ITPR3: variants seen among roughly 807,000 people sequenced by gnomAD.
The protein encoded by ITPR3 is inositol 1,4,5-trisphosphate receptor type 3.
Under a neutral mutation model 293.2 loss-of-function variants are expected in ITPR3, and 173 were observed. That is an observed-to-expected ratio of 0.59 (90% CI 0.52 to 0.67). The LOEUF is 0.67. Among genes scored for constraint, ITPR3 ranks in the 30% least tolerant of loss-of-function variants. The probability of loss-of-function intolerance (pLI) is 0.00; values close to 1 mark genes in which losing one functional copy is unlikely to be tolerated. For missense variants in ITPR3, 2,796 were observed against 3,592.1 expected, an observed-to-expected ratio of 0.78 and a Z score of 5.66; for synonymous variants, 1,295 against 1,444.4, an observed-to-expected ratio of 0.90 and a Z score of 2.35.
In ITPR3 at chr6:33,621,385, C is replaced by T; in HGVS notation, c.-218C>T. The T allele has an allele frequency of 3.6e-6, 1 of 278,176 alleles. No individual in the cohort carries two copies. The highest frequency in any genetic ancestry group is 6.7e-6 in the Non-Finnish European group (1 of 150,158). 17.2% of individuals were successfully genotyped at this position (278,176 alleles called of 1,614,324 possible). ...CCGGGCGGGGCGGGCGGGCGGCGGG[C>T]GCGCCAAGACGTGGGCACCTCCTCA... On this transcript the variant is annotated 5_prime_UTR_variant, in exon 1 of 58. Coordinates refer to ENST00000605930, the MANE Select transcript of ITPR3 (RefSeq NM_002224.4). The surrounding 1 kb of genome is among the most constrained non-coding windows in gnomAD (Gnocchi z 7.7).
In ITPR3 at chr6:33,624,205, T is replaced by C. The variant is rs1408507463; in HGVS notation, c.89+2514T>C. On this transcript the variant is annotated intron_variant, in intron 1 of 57. Coordinates refer to ENST00000605930, the MANE Select transcript of ITPR3 (RefSeq NM_002224.4). The surrounding 1 kb of genome is among the most constrained non-coding windows in gnomAD (Gnocchi z 4.7). ...GAACTGCTTTGTACAAACCACTCTC[T>C]GGTGTTCCTCACATTGGAGGCTTCC... Among the ~76,000 whole-genome samples, 1 of 152,244 alleles carries C rather than the reference T, an allele frequency of 6.6e-6. No homozygotes were observed. Among genetic ancestry groups the C allele is most frequent in the African/African-American group, 2.4e-5 (1 of 41,462 alleles).
In ITPR3 at chr6:33,693,440, G is replaced by A. The variant is rs190865725; in HGVS notation, c.7625-105G>A. 433 of 1,218,330 alleles carry A rather than the reference G, an allele frequency of 3.6e-4. 3 individuals carry two copies. In the African/African-American group the frequency reaches 5.0e-3, roughly 14 times the overall value. 75.5% of individuals were successfully genotyped at this position (1,218,330 alleles called of 1,614,324 possible). A position where few individuals can be genotyped will look rare whatever the true frequency, so the allele number is the denominator to read the frequency against. On this transcript the variant is annotated intron_variant, in intron 55 of 57. Transcript: ENST00000605930. ...GCGAGCTGTTGGAAGCGCTCATCCC[G>A]AGAACAAATGCCTCCAACCCCCGGA...
chr6:33,634,019 G>A (rs1385853041), intron 1 of ITPR3, among the ~76,000 whole-genome samples: 1 of 152,122 alleles, frequency 6.6e-6, no homozygotes, highest in Non-Finnish European at 1.5e-5. Context: ...CCTCCCTCTG[G>A]CCCCAGGTCT....
chr6:33,630,240 A>G (rs1395852175), intron 1 of ITPR3, among the ~76,000 whole-genome samples: 1 of 152,134 alleles, frequency 6.6e-6, no homozygotes, highest in Non-Finnish European at 1.5e-5. Flanking sequence ...GTTGTGGTGT[A>G]GGCTGCTTCA....
intron 13 of ITPR3, 76 bp downstream of exon 13, chr6:33,665,289 A>G: frequency 6.5e-7 from 1 of 1,544,130 alleles, no homozygotes; most frequent in Non-Finnish European, 8.8e-7. Flanking sequence ...GAAAGGAGTC[A>G]TGAAGCAGAA....
intron 31 of ITPR3, 86 bp downstream of exon 31, chr6:33,680,219 A>T: frequency 6.3e-7 from 1 of 1,578,226 alleles, no homozygotes. Context: ...GGGTGAAGCA[A>T]AGCCAGGGAA....
Position 33,671,178 on chromosome 6 carries a change from C to G in ITPR3, c.2600C>G (p.Ala867Gly), listed in dbSNP as rs749277906. 1 of 1,613,516 alleles carries G rather than the reference C, an allele frequency of 6.2e-7. No homozygotes were observed. Among genetic ancestry groups the G allele is most frequent in the African/African-American group, 1.3e-5 (1 of 74,866 alleles). The change falls in exon 21 of 58, where the codon GCG becomes GGG. Residue 867 changes from alanine to glycine, a missense_variant. Transcript: ENST00000605930. ...NKLTFEVVSL[A>G]HNLIYFGFYS... Reference sequence around the variant, plus strand: ...CCCCCTTCGCAGGTGGTCAGCCTGGCGCACAATCTCATCTACTTCGGCTTC... The same window carrying G: ...CCCCCTTCGCAGGTGGTCAGCCTGGGGCACAATCTCATCTACTTCGGCTTC...
At chr6:33,623,477 C>T (rs1486584689) in intron 1 of ITPR3, among the ~76,000 whole-genome samples, 2 of 151,842 alleles carry the variant, frequency 1.3e-5, no homozygotes, top group African/African-American at 2.4e-5. Flanking sequence ...ACAGGCACAT[C>T]ACCACACCCG....
chr6:33,640,547 G>A lies in ITPR3; in HGVS notation c.153G>A (p.Lys51=). Residue 51 remains lysine (K), a synonymous_variant, in exon 2 of 58, where the codon AAG becomes AAA. Coordinates refer to ENST00000605930, the MANE Select transcript of ITPR3 (RefSeq NM_002224.4). ...AAGDLDNPPK[K]FRDCLFKVCP... is the part of the protein sequence containing the mutation. ...GGGACCTGGACAACCCCCCTAAGAA[G>A]TTCCGTGGTAAGACCTCCGCTTCCT... The A allele has an allele frequency of 6.2e-7, 1 of 1,612,968 alleles. No homozygotes were observed. The highest frequency in any genetic ancestry group is 1.1e-5 in the South Asian group (1 of 90,966).
chr6:33,663,892 C>A lies in ITPR3; in HGVS notation c.1148+12C>A, dbSNP rs764609898. On this transcript the variant is annotated intron_variant, in intron 11 of 57. Coordinates refer to ENST00000605930, the MANE Select transcript of ITPR3 (RefSeq NM_002224.4). ...TCTTTCGTGCCCCGGTGGGTATGCG[C>A]CATGTGCCTGGGAGTTGACTGGTGG... 1.2e-6 allele frequency: 2 copies of A among 1,613,782 alleles called. No individual in the cohort carries two copies. The highest frequency in any genetic ancestry group is 3.3e-5 in the Admixed American group (2 of 60,018).
In ITPR3 at chr6:33,691,093, C is replaced by T; in HGVS notation, c.7209C>T (p.Pro2403=). The T allele has an allele frequency of 6.2e-7, 1 of 1,614,168 alleles. No individual in the cohort carries two copies. The highest frequency in any genetic ancestry group is 2.2e-5 in the East Asian group (1 of 44,884). Residue 2403 remains proline, a synonymous_variant, in exon 52 of 58, where the codon CCC becomes CCT. Coordinates refer to ENST00000605930, the MANE Select transcript of ITPR3 (RefSeq NM_002224.4). The surrounding 1 kb of genome is among the most constrained non-coding windows in gnomAD (Gnocchi z 4.9). Reference sequence around the variant, plus strand: ...TCATTCTCGAGGTCGACCGGCTGCCCAACAACCACTCCACAGGTCTTGGAG... The same window carrying T: ...TCATTCTCGAGGTCGACCGGCTGCCTAACAACCACTCCACAGGTCTTGGAG... ...DDFILEVDRL[P]NNHSTASPLG...
At position 33,668,615 on chromosome 6, in the gene ITPR3, GAC is replaced by G. The variant is rs774497036; in HGVS notation, c.1989_1990del (p.Ile664SerfsTer34). The G allele has an allele frequency of 6.2e-7, 1 of 1,614,208 alleles. No homozygotes were observed. The highest frequency in any genetic ancestry group is 1.1e-5 in the South Asian group (1 of 91,084). On this transcript the variant is annotated frameshift_variant, in exon 17 of 58. Transcript: ENST00000605930. LOFTEE classifies it high-confidence loss of function. The stretch of plus-strand genomic sequence containing the variant: ...GTGTGTGCTGGACCCCAAGAACAGT[GAC>G]ATTCTCATCCGGACCGAGTGAGCCC... ...CKCVLDPKNS[D>X]ILIRTELRPV...
intron 2 of ITPR3, among the ~76,000 whole-genome samples, chr6:33,641,397 G>T (rs72882038): frequency 0.12 from 18,576 of 152,030 alleles, 1,254 homozygotes; most frequent in Non-Finnish European, 0.15. Flanking sequence ...GATTGTCCTC[G>T]CGGGGGATGC....
At chr6:33,661,992 G>GAAAAAAAAAAAAA (rs55958712) in intron 7 of ITPR3, among the ~76,000 whole-genome samples, 864 of 47,174 alleles carry the variant, frequency 0.018, 167 homozygotes, top group Non-Finnish European at 0.028. Flanking sequence ...GACTGTCTCT[G>GAAAAAAAAAAAAA]AAAAAAAAAA....
At chr6:33,639,710 A>G (rs1763905506) in intron 1 of ITPR3, among the ~76,000 whole-genome samples, 1 of 151,870 alleles carries the variant, frequency 6.6e-6, no homozygotes, top group Non-Finnish European at 1.5e-5. Flanking sequence ...GGATGGGTGG[A>G]TGGATGGGTG....
At chr6:33,643,772 T>TG (rs201002109) in intron 2 of ITPR3, among the ~76,000 whole-genome samples, 1,880 of 152,240 alleles carry the variant, frequency 0.012, 38 homozygotes, top group African/African-American at 0.041. Flanking sequence ...AGTGATGAGG[T>TG]GACTGCCCTC....
intron 2 of ITPR3, among the ~76,000 whole-genome samples, chr6:33,650,755 T>A (rs1214612860): frequency 6.7e-6 from 1 of 150,306 alleles, no homozygotes; most frequent in Admixed American, 6.6e-5. Flanking sequence ...TGCTATGTCA[T>A]TTTTTTTTAT....
At position 33,658,828 on chromosome 6, in the gene ITPR3, C is replaced by A; in HGVS notation, c.528C>A (p.Asn176Lys). 6.2e-7 allele frequency: 1 copy of A among 1,614,040 alleles called. No homozygotes were observed. Residue 176 changes from asparagine to lysine, a missense_variant and splice_region_variant, in exon 5 of 58, where the codon AAC becomes AAA. Coordinates refer to ENST00000605930, the MANE Select transcript of ITPR3 (RefSeq NM_002224.4). The surrounding 1 kb of genome is among the most constrained non-coding windows in gnomAD (Gnocchi z 6.1). ...GGAAGCTGCGGAGCAACGGGGACAACGTGAGGGCAGGGCCAGGGTTGGAGG... is the reference window on the plus strand; with the variant it reads ...GGAAGCTGCGGAGCAACGGGGACAAAGTGAGGGCAGGGCCAGGGTTGGAGG... ...PFWKLRSNGD[N>K]VVVGDKVILN...
intron 1 of ITPR3, among the ~76,000 whole-genome samples, chr6:33,631,838 AG>A (rs1380398931): frequency 6.6e-6 from 1 of 152,190 alleles, no homozygotes; most frequent in East Asian, 1.9e-4. Flanking sequence ...GGCGTGACAG[AG>A]GGCTCACCTC....
Sources: allele counts gnomAD v4.1 joint callset (sites outside exome capture counted in the v4.1 genomes callset), GRCh38; gene constraint gnomAD v4.1.1; non-coding constraint Gnocchi (gnomAD v3.1); transcripts MANE v1.5; gene names NCBI Gene and HGNC (gene_info 2026-07-23, HGNC 2026-07-21).